The following EXOC6 variants were observed in gnomAD, a reference collection of about 807,000 sequenced individuals.
EXOC6 encodes the protein exocyst complex component 6.
Under a neutral mutation model 112.5 loss-of-function variants are expected in EXOC6, and 60 were observed. The ratio of observed to expected loss-of-function variants is 0.53; its 90% CI spans 0.43 to 0.66. EXOC6 has a LOEUF of 0.66. Among genes scored for constraint, EXOC6 ranks in the 30% least tolerant of loss-of-function variants. The pLI, the probability that EXOC6 is intolerant of heterozygous loss-of-function variation, is 0.00. For missense variants in EXOC6, 855 were observed against 957.1 expected, an observed-to-expected ratio of 0.89 and a Z score of 1.41; for synonymous variants, 295 against 308.0, an observed-to-expected ratio of 0.96 and a Z score of 0.44.
chr10:93,003,480 G>A (rs991647410), intron 19 of EXOC6, among the ~76,000 whole-genome samples: 16 of 151,964 alleles, frequency 1.1e-4, no homozygotes, highest in African/African-American at 2.9e-4. Flanking sequence ...TCCTTGTGAC[G>A]GGTGACACAC....
At chr10:93,003,317 G>T (rs190842944) in intron 19 of EXOC6, among the ~76,000 whole-genome samples, 175 of 152,218 alleles carry the variant, frequency 1.1e-3, no homozygotes, top group Non-Finnish European at 1.6e-3. Context: ...AAATAATTCA[G>T]TTACTGACAA....
intron 17 of EXOC6, 95 bp downstream of exon 17, chr10:92,955,809 A>G: frequency 8.9e-7 from 1 of 1,118,180 alleles, no homozygotes; most frequent in Non-Finnish European, 1.2e-6. Flanking sequence ...GATCTACTAT[A>G]TTCCTAAAAA....
intron 6 of EXOC6, among the ~76,000 whole-genome samples, chr10:92,915,346 G>A (rs1241441290): frequency 6.6e-6 from 1 of 151,422 alleles, no homozygotes; most frequent in Non-Finnish European, 1.5e-5. Context: ...TTTGGGACCA[G>A]CCTGGGCAAC....
intron 20 of EXOC6, among the ~76,000 whole-genome samples, chr10:93,022,310 G>A (rs1012431799): frequency 3.9e-5 from 6 of 152,138 alleles, no homozygotes; most frequent in Non-Finnish European, 8.8e-5. Context: ...CTATGATGAT[G>A]TGTGTAGAAT....
intron 8 of EXOC6, among the ~76,000 whole-genome samples, chr10:92,924,031 A>G (rs557320283): frequency 6.6e-6 from 1 of 152,310 alleles, no homozygotes; most frequent in Admixed American, 6.5e-5. Context: ...TATTAGGAAC[A>G]GTATATTTTG....
intron 18 of EXOC6, among the ~76,000 whole-genome samples, chr10:92,989,270 A>T (rs144157658): frequency 7.9e-5 from 12 of 152,258 alleles, no homozygotes; most frequent in Admixed American, 7.9e-4. Flanking sequence ...TATAAAGCGT[A>T]TAAAAGTATA....
intron 8 of EXOC6, among the ~76,000 whole-genome samples, chr10:92,924,772 C>G (rs1167658398): frequency 1.3e-5 from 2 of 152,190 alleles, no homozygotes; most frequent in Non-Finnish European, 2.9e-5. Context: ...TTTTAGTGTA[C>G]TTGTCACCTG....
At chr10:92,893,265 A>C in intron 1 of EXOC6, 84 bp from the exon 2 acceptor site, 1 of 978,402 alleles carries the variant, frequency 1.0e-6, no homozygotes, top group Non-Finnish European at 1.5e-6. Flanking sequence ...TCAGAGATTT[A>C]ATTTTAAGAT....
chr10:93,015,205 C>T (rs1844445246), intron 20 of EXOC6, among the ~76,000 whole-genome samples: 1 of 152,144 alleles, frequency 6.6e-6, no homozygotes, highest in Admixed American at 6.5e-5. Context: ...CAGACTCTAC[C>T]ACAGTGATGT....
At chr10:93,039,968 C>T (rs1845685451) in intron 20 of EXOC6, among the ~76,000 whole-genome samples, 1 of 152,156 alleles carries the variant, frequency 6.6e-6, no homozygotes, top group African/African-American at 2.4e-5. Flanking sequence ...ATTCGTGTTC[C>T]CCTGGTTCCT....
At chr10:92,867,442 A>G (rs1024298509) in intron 1 of EXOC6, among the ~76,000 whole-genome samples, 15 of 152,108 alleles carry the variant, frequency 9.9e-5, no homozygotes, top group African/African-American at 3.4e-4. Context: ...ACAGGCAGCA[A>G]AGTTAAGTAT....
chr10:92,942,131 C>T (rs1852703154), intron 13 of EXOC6, among the ~76,000 whole-genome samples: 1 of 152,198 alleles, frequency 6.6e-6, no homozygotes, highest in Non-Finnish European at 1.5e-5. Flanking sequence ...TGGCTTATGC[C>T]TGTAATCCCA....
chr10:92,878,591 C>G lies in EXOC6; in HGVS notation c.102-14758C>G, dbSNP rs1201167631. ...GCGCCCCTGGAAGATCATACTTTAC[C>G]ATTTTTGTCTCTTATCACACATGCA... is the stretch of plus-strand genomic sequence containing the variant. On this transcript the variant is annotated intron_variant, in intron 1 of 21. Transcript: ENST00000260762. Among the ~76,000 whole-genome samples, 3 of 152,022 alleles carry G rather than the reference C, an allele frequency of 2.0e-5. No homozygotes were observed. The East Asian group carries it at 5.8e-4, about 29-fold the overall frequency.
At chr10:92,932,656 A>C (rs1254612210) in intron 9 of EXOC6, among the ~76,000 whole-genome samples, 1 of 152,188 alleles carries the variant, frequency 6.6e-6, no homozygotes, top group East Asian at 1.9e-4. Context: ...CCACTAAGAC[A>C]CGCTTACTAA....
At chr10:93,027,885 G>A (rs562627663) in intron 20 of EXOC6, among the ~76,000 whole-genome samples, 1 of 152,310 alleles carries the variant, frequency 6.6e-6, no homozygotes, top group South Asian at 2.1e-4. Flanking sequence ...CAACTTTCAA[G>A]TCTTATTATT....
chr10:92,977,315 G>A (rs1330292344), intron 18 of EXOC6, among the ~76,000 whole-genome samples: 1 of 151,992 alleles, frequency 6.6e-6, no homozygotes, highest in African/African-American at 2.4e-5. Flanking sequence ...TTCTCCATCA[G>A]AAACTGCTTC....
chr10:93,044,605 G>C (rs1845922122), intron 20 of EXOC6, among the ~76,000 whole-genome samples: 1 of 152,076 alleles, frequency 6.6e-6, no homozygotes, highest in South Asian at 2.1e-4. Context: ...TATAAACTGA[G>C]GCCTTATCTC....
chr10:93,018,074 C>T (rs1343854321), intron 20 of EXOC6, among the ~76,000 whole-genome samples: 1 of 150,624 alleles, frequency 6.6e-6, no homozygotes, highest in Non-Finnish European at 1.5e-5. Context: ...ATTCTTTATG[C>T]AGACCATCAC....
chr10:92,846,942 A>T (rs1262405823), upstream of EXOC6, among the ~76,000 whole-genome samples: 1 of 152,210 alleles, frequency 6.6e-6, no homozygotes, highest in Non-Finnish European at 1.5e-5. Flanking sequence ...GGAAGATGTG[A>T]CCACAGAAGA....
Sources: gnomAD v4.1 joint callset for allele counts (sites outside exome capture counted in the v4.1 genomes callset) on GRCh38, gnomAD v4.1.1 for gene constraint, MANE v1.5 for transcripts, NCBI Gene and HGNC (gene_info 2026-07-23, HGNC 2026-07-21) for gene names.